SRGAP1: variants seen among roughly 807,000 people sequenced by gnomAD.
The protein encoded by SRGAP1 is SLIT-ROBO Rho GTPase-activating protein 1.
In SRGAP1, 43 loss-of-function variants were observed where a neutral mutation model predicts 121.9. The ratio of observed to expected loss-of-function variants is 0.35; its 90% CI spans 0.28 to 0.46. The LOEUF (loss-of-function observed/expected upper bound fraction) is 0.46. Among genes scored for constraint, SRGAP1 ranks in the 20% least tolerant of loss-of-function variants. SRGAP1 has a pLI of 1.00. For synonymous variants in SRGAP1, 447 were observed against 485.4 expected, an observed-to-expected ratio of 0.92 and a Z score of 1.04; for missense variants, 1,102 against 1,350.9, an observed-to-expected ratio of 0.82 and a Z score of 2.89.
At chr12:64,139,364 G>A (rs1389989219) in intron 21 of SRGAP1, among the ~76,000 whole-genome samples, 1 of 152,172 alleles carries the variant, frequency 6.6e-6, no homozygotes, top group East Asian at 1.9e-4. Flanking sequence ...AAAATTTGTT[G>A]AATGAATGAA....
chr12:64,139,337 T>C (rs1001264356), intron 21 of SRGAP1, among the ~76,000 whole-genome samples: 3 of 152,180 alleles, frequency 2.0e-5, no homozygotes, highest in Non-Finnish European at 4.4e-5. Context: ...ATTAGTCAAG[T>C]GTGTAGTAAG....
chr12:64,100,411 A>G lies in SRGAP1; in HGVS notation c.1813+3036A>G, dbSNP rs540323809. On this transcript the variant is annotated intron_variant, in intron 15 of 21. Transcript: ENST00000355086. ...CAAATATGTAAACTACAAGGAAAAAATCTATGGAGATATCTCATGTAAGGG... is the reference window on the plus strand; with the variant it reads ...CAAATATGTAAACTACAAGGAAAAAGTCTATGGAGATATCTCATGTAAGGG... 9.2e-5 allele frequency among the ~76,000 whole-genome samples: 14 copies of G among 152,300 alleles called. No homozygotes were observed. The South Asian group carries it at 2.7e-3, about 29-fold the overall frequency.
intron 1 of SRGAP1, among the ~76,000 whole-genome samples, chr12:63,966,256 G>A (rs2136385915): frequency 6.6e-6 from 1 of 152,250 alleles, no homozygotes; most frequent in East Asian, 1.9e-4. Flanking sequence ...AATACTGATA[G>A]TAGTTATTCT....
chr12:63,906,527 A>G (rs1308827701), intron 1 of SRGAP1, among the ~76,000 whole-genome samples: 1 of 151,900 alleles, frequency 6.6e-6, no homozygotes, highest in Non-Finnish European at 1.5e-5. Context: ...GTTAGCCAGG[A>G]TGGTCTCAAT....
intron 8 of SRGAP1, among the ~76,000 whole-genome samples, chr12:64,068,839 G>A (rs111267078): frequency 0.031 from 4,630 of 151,480 alleles, 203 homozygotes; most frequent in African/African-American, 0.1. Context: ...GCAAAACGCC[G>A]TCTCTACTAA....
intron 1 of SRGAP1, among the ~76,000 whole-genome samples, chr12:63,880,180 A>T (rs2335885): frequency 0.98 from 149,877 of 152,278 alleles, 73,775 homozygotes; most frequent in Middle Eastern, 1. Flanking sequence ...TCCTTCGCCT[A>T]CCGCCATGAT....
intron 1 of SRGAP1, among the ~76,000 whole-genome samples, chr12:63,887,154 G>A (rs780625386): frequency 6.6e-6 from 1 of 152,128 alleles, no homozygotes; most frequent in South Asian, 2.1e-4. Flanking sequence ...GATTACAGGC[G>A]TGAGCCACCG....
At chr12:63,974,081 A>C (rs995151224) in intron 1 of SRGAP1, among the ~76,000 whole-genome samples, 4 of 152,208 alleles carry the variant, frequency 2.6e-5, no homozygotes, top group Admixed American at 2.6e-4. Context: ...TGGGGAAGTT[A>C]ATGAAACCCT....
intron 11 of SRGAP1, 114 bp from the exon 12 acceptor site, chr12:64,091,162 G>C (rs2036043639): frequency 1.8e-6 from 1 of 541,614 alleles, no homozygotes; most frequent in Admixed American, 3.8e-5. Flanking sequence ...CCTGTGATTG[G>C]GGGAGGGGAA....
intron 1 of SRGAP1, among the ~76,000 whole-genome samples, chr12:63,961,646 G>A (rs575331258): frequency 6.6e-6 from 1 of 152,324 alleles, no homozygotes; most frequent in East Asian, 1.9e-4. Flanking sequence ...GGTGGTAGGT[G>A]CATAGCATTG....
In SRGAP1 at chr12:63,952,759, T is replaced by A. The variant is rs75445242; in HGVS notation, c.68-31188T>A. Among the ~76,000 whole-genome samples, 1,372 of 152,152 alleles carry A rather than the reference T, an allele frequency of 9.0e-3. 16 individuals carry two copies. The highest frequency in any genetic ancestry group is 0.03 in the African/African-American group (1,258 of 41,528). ...GTGGAGGTGCTGAATAAACCTAAAC[T>A]AATAGGGAGGAAGGGAAAAGGAGTT... On this transcript the variant is annotated intron_variant, in intron 1 of 21. Transcript: ENST00000355086.
chr12:63,844,876 A>G lies in SRGAP1; in HGVS notation c.60A>G (p.Gln20=). The change falls in exon 1 of 22, where the codon CAA becomes CAG. Residue 20 remains glutamine (Q), a synonymous_variant. Coordinates refer to ENST00000355086, the MANE Select transcript of SRGAP1 (RefSeq NM_020762.4). This position sits in a 1 kb window ranked among gnomAD's most constrained non-coding sequence, Gnocchi z 4.3. ...DKEIIAEYES[Q]VKEIRAQLVE... ...AGATCATAGCCGAGTATGAAAGTCA[A>G]GTCAAAGGTAAGGATGGGAGCGGCT... The G allele has an allele frequency of 1.9e-6, 3 of 1,614,180 alleles. No homozygotes were observed. Among genetic ancestry groups the G allele is most frequent in the Non-Finnish European group, 2.5e-6 (3 of 1,180,006 alleles).
chr12:63,885,849 C>T (rs1482102407), intron 1 of SRGAP1, among the ~76,000 whole-genome samples: 1 of 152,204 alleles, frequency 6.6e-6, no homozygotes, highest in Non-Finnish European at 1.5e-5. Context: ...TGCCTACACA[C>T]ACACAAAATC....
chr12:64,094,984 A>G lies in SRGAP1; in HGVS notation c.1592A>G (p.Asn531Ser). Reference protein sequence around the residue: ...LIVESCIRFINLYGLQHQGIF... With the variant: ...LIVESCIRFISLYGLQHQGIF... The stretch of plus-strand genomic sequence containing the variant: ...GTGGAAAGCTGTATTCGGTTCATCA[A>G]TCTCTATGGTAAGCCATAAACTACA... Residue 531 changes from asparagine (N) to serine (S), a missense_variant, in exon 13 of 22, where the codon AAT (asparagine) becomes AGT (serine). Physicochemically the swap from Asn to Ser is conservative, Grantham distance 46. Coordinates refer to ENST00000355086, the MANE Select transcript of SRGAP1 (RefSeq NM_020762.4). The G allele has an allele frequency of 6.2e-7, 1 of 1,614,086 alleles. No individual in the cohort carries two copies. Among genetic ancestry groups the G allele is most frequent in the Non-Finnish European group, 8.5e-7 (1 of 1,179,958 alleles).
intron 15 of SRGAP1, among the ~76,000 whole-genome samples, chr12:64,100,750 AAG>A (rs1354789437): frequency 6.6e-6 from 1 of 152,182 alleles, no homozygotes; most frequent in Admixed American, 6.5e-5. Flanking sequence ...CCTCTTAAGA[AAG>A]AGAGGATTCT....
Position 64,128,131 on chromosome 12 carries a change from G to A in SRGAP1, c.2811G>A (p.Arg937=), listed in dbSNP as rs1238391160. 1.2e-6 allele frequency: 2 copies of A among 1,614,150 alleles called. No individual in the cohort carries two copies. Among genetic ancestry groups the A allele is most frequent in the Non-Finnish European group, 1.7e-6 (2 of 1,180,036 alleles). The part of the protein sequence containing the change: ...LKKIDSPPIR[R]STSSGQYTGF... Reference sequence around the variant, plus strand: ...AGATCGACAGCCCTCCCATTAGAAGGTCCACGTCATCAGGGCAATACACGG... The same window carrying A: ...AGATCGACAGCCCTCCCATTAGAAGATCCACGTCATCAGGGCAATACACGG... Residue 937 remains arginine, a synonymous_variant, in exon 21 of 22, where the codon AGG becomes AGA. Coordinates refer to ENST00000355086, the MANE Select transcript of SRGAP1 (RefSeq NM_020762.4).
chr12:63,919,965 T>C (rs2136326084), intron 1 of SRGAP1, among the ~76,000 whole-genome samples: 1 of 152,332 alleles, frequency 6.6e-6, no homozygotes, highest in African/African-American at 2.4e-5. Context: ...CTGAACATTT[T>C]CATGTGTTCC....
At chr12:64,020,688 CA>C (rs2034521970) in intron 4 of SRGAP1, among the ~76,000 whole-genome samples, 1 of 151,552 alleles carries the variant, frequency 6.6e-6, no homozygotes, top group Non-Finnish European at 1.5e-5. Flanking sequence ...ACTAAAAATA[CA>C]AAAATTAGCC....
intron 20 of SRGAP1, 58 bp from the exon 21 acceptor site, chr12:64,127,803 C>T: frequency 6.3e-7 from 1 of 1,597,160 alleles, no homozygotes; most frequent in Non-Finnish European, 8.5e-7. Flanking sequence ...CTCAGCCTTG[C>T]AGTACTGCCC....
Sources: gnomAD v4.1 joint callset for allele counts (sites outside exome capture counted in the v4.1 genomes callset) on GRCh38, gnomAD v4.1.1 for gene constraint, Gnocchi (gnomAD v3.1) non-coding constraint, MANE v1.5 for transcripts, NCBI Gene and HGNC (gene_info 2026-07-23, HGNC 2026-07-21) for gene names.